The following CCND3 variants were observed in gnomAD, a reference collection of about 807,000 sequenced individuals.
The protein encoded by CCND3 is cyclin D3.
A neutral mutation model predicts 28.7 loss-of-function variants in CCND3; 9 were observed. The observed-to-expected ratio is 0.31, with a 90% CI of 0.19 to 0.55. The LOEUF (loss-of-function observed/expected upper bound fraction) is 0.55. Ranked by LOEUF, CCND3 falls within the 20% of genes least tolerant of loss-of-function variation. CCND3 has a pLI of 0.93. For synonymous variants in CCND3, 164 were observed against 163.9 expected (o/e 1.00, Z 0.00); for missense variants, 315 against 385.8 (o/e 0.82, Z 1.54).
Position 42,022,866 on chromosome 6 carries a change from G to A in CCND3, c.-46+25635C>T, listed in dbSNP as rs1763752345. 2.6e-5 allele frequency among the ~76,000 whole-genome samples: 4 copies of A among 152,190 alleles called. No individual in the cohort carries two copies. The South Asian group carries it at 8.3e-4, about 32-fold the overall frequency. On this transcript the variant is annotated intron_variant, in intron 1 of 4. Transcript: ENST00000372988. ...GAGAGATGGGAGAGTCAACAAGTGG[G>A]ATGGCGCTGGCCTAAGAGCTGGCTC... is the stretch of plus-strand genomic sequence containing the variant.
chr6:42,028,347 GT>G (rs1358425218), intron 1 of CCND3, among the ~76,000 whole-genome samples: 8 of 152,292 alleles, frequency 5.3e-5, no homozygotes, highest in African/African-American at 1.9e-4. Context: ...AGAGGAGTGG[GT>G]TCGGCGATGG....
intron 1 of CCND3, among the ~76,000 whole-genome samples, chr6:41,958,272 C>T (rs866774288): frequency 6.6e-6 from 1 of 152,196 alleles, no homozygotes; most frequent in South Asian, 2.1e-4. Context: ...GCTGGGATTA[C>T]AGGTGTGAGC....
At chr6:42,035,322 C>T (rs1764173202) in intron 1 of CCND3, among the ~76,000 whole-genome samples, 1 of 152,176 alleles carries the variant, frequency 6.6e-6, no homozygotes, top group Non-Finnish European at 1.5e-5. Context: ...TCCCAGCTCA[C>T]CCCCTTGTTT....
At chr6:41,940,657 G>A (rs1775972876) in intron 1 of CCND3, 72 bp from the exon 2 acceptor site, 1 of 1,088,762 alleles carries the variant, frequency 9.2e-7, no homozygotes. Context: ...TGGGAGCGCT[G>A]AAGTGAGGTG....
Position 41,951,577 on chromosome 6 carries a change from A to AC in CCND3, c.-45-10993_-45-10992insG, listed in dbSNP as rs1247884939. On this transcript the variant is annotated intron_variant, in intron 1 of 4. Coordinates refer to the CCND3 transcript ENST00000372988. Reference sequence around the variant, plus strand: ...ACACACACACACACACACACACACAAAAAAAAAGATTAAGTGGGAGTAAGA... The same window carrying AC: ...ACACACACACACACACACACACACAACAAAAAAAGATTAAGTGGGAGTAAGA... 4.8e-3 allele frequency among the ~76,000 whole-genome samples: 701 copies of AC among 145,898 alleles called. 9 individuals carry two copies. Among genetic ancestry groups the AC allele is most frequent in the Non-Finnish European group, 8.3e-3 (552 of 66,382 alleles).
chr6:42,019,229 T>C (rs1278689997), intron 1 of CCND3, among the ~76,000 whole-genome samples: 2 of 152,136 alleles, frequency 1.3e-5, no homozygotes, highest in Non-Finnish European at 1.5e-5. Context: ...GGCTCCCACC[T>C]GTAATCCCAG....
At chr6:42,007,736 G>C (rs1332792314) in intron 1 of CCND3, among the ~76,000 whole-genome samples, 1 of 152,238 alleles carries the variant, frequency 6.6e-6, no homozygotes, top group Admixed American at 6.5e-5. Context: ...GCGAGAGCCA[G>C]AAAGGGCTGG....
At position 42,020,362 on chromosome 6, in the gene CCND3, C is replaced by T. The variant is rs537424432; in HGVS notation, c.-46+28139G>A. ...TGCACGTTTCCCTAGCCCTTCTTGG[C>T]GCCTGCAACTGACCCAACATGCAGA... On this transcript the variant is annotated intron_variant, in intron 1 of 4. Transcript: ENST00000372988. 3.8e-4 allele frequency among the ~76,000 whole-genome samples: 58 copies of T among 152,308 alleles called. 1 individual carries two copies. Among genetic ancestry groups the T allele is most frequent in the African/African-American group, 1.3e-3 (54 of 41,566 alleles).
intron 1 of CCND3, among the ~76,000 whole-genome samples, chr6:42,003,918 G>A (rs1332013110): frequency 1.8e-4 from 23 of 127,898 alleles, no homozygotes; most frequent in Non-Finnish European, 6.3e-5. Context: ...CAGCCTGGGC[G>A]ACAGAGTGAG....
intron 1 of CCND3, among the ~76,000 whole-genome samples, chr6:41,976,321 C>T (rs998504480): frequency 1.3e-5 from 2 of 151,790 alleles, no homozygotes; most frequent in African/African-American, 4.8e-5. Flanking sequence ...CACTGCACTC[C>T]AGCCTGGGCG....
chr6:42,001,234 C>CAAA (rs56288797), intron 1 of CCND3, among the ~76,000 whole-genome samples: 42,340 of 74,008 alleles, frequency 0.57, 15,297 homozygotes, highest in Middle Eastern at 0.79. Context: ...GACCCCATCT[C>CAAA]AAAAAAAAAA....
intron 1 of CCND3, among the ~76,000 whole-genome samples, chr6:41,946,812 C>T (rs986532652): frequency 3.9e-5 from 6 of 152,000 alleles, no homozygotes; most frequent in Admixed American, 1.3e-4. Context: ...CGGCTGGGCG[C>T]GGTGGCTCAC....
intron 1 of CCND3, among the ~76,000 whole-genome samples, chr6:41,984,705 T>C (rs143180887): frequency 1.7e-3 from 260 of 152,326 alleles, no homozygotes; most frequent in Middle Eastern, 0.014. Context: ...ATAGTAGCTA[T>C]ACTAATTTAC....
In CCND3 at chr6:42,048,377, G is replaced by A; in HGVS notation, c.-46+124C>T. On this transcript the variant is annotated intron_variant, in intron 1 of 4. Transcript: ENST00000372988. This position sits in a 1 kb window ranked among gnomAD's most constrained non-coding sequence, Gnocchi z 4.7. ...TGGGAAAGTGAGCCAAGCTTTCGGT[G>A]CCAACTAGGAAGTGATGAGGATGCG... 2.9e-6 allele frequency: 1 copy of A among 343,076 alleles called. No individual in the cohort carries two copies. Among genetic ancestry groups the A allele is most frequent in the South Asian group, 2.2e-5 (1 of 46,206 alleles). The allele number at this position is 343,076 out of a possible 1,614,324, so 21.3% of individuals were successfully genotyped here.
In CCND3 at chr6:41,935,479, CTA is replaced by C. The variant is rs1227162335; in HGVS notation, c.*459_*460del. 1 of 276,056 alleles carries C rather than the reference CTA, an allele frequency of 3.6e-6. No homozygotes were observed. Among genetic ancestry groups the C allele is most frequent in the Non-Finnish European group, 6.9e-6 (1 of 145,100 alleles). 17.1% of individuals were successfully genotyped at this position (276,056 alleles called of 1,614,324 possible). A position where few individuals can be genotyped will look rare whatever the true frequency, so the allele number is the denominator to read the frequency against. On this transcript the variant is annotated 3_prime_UTR_variant, in exon 5 of 5. Transcript: ENST00000372991. ...AAAGTACTGAGAGGAGCCATCTAGA[CTA>C]TTCCCCCTCATATGTGTCTATCATG...
At chr6:41,956,984 T>G (rs1776454613) in intron 1 of CCND3, among the ~76,000 whole-genome samples, 1 of 152,110 alleles carries the variant, frequency 6.6e-6, no homozygotes. Flanking sequence ...TGAGCCAAGA[T>G]CGCACCACTG....
intron 1 of CCND3, among the ~76,000 whole-genome samples, chr6:41,960,525 G>A (rs927983452): frequency 3.3e-5 from 5 of 152,190 alleles, no homozygotes; most frequent in African/African-American, 9.7e-5. Context: ...ACAAACCTGG[G>A]TGTGAATCCC....
In CCND3 at chr6:41,936,441, G is replaced by C. The variant is rs1381463081; in HGVS notation, c.711+118C>G. The C allele has an allele frequency of 4.0e-6, 5 of 1,240,288 alleles. No individual in the cohort carries two copies. The highest frequency in any genetic ancestry group is 5.7e-6 in the Non-Finnish European group (5 of 877,700). 76.8% of individuals were successfully genotyped at this position (1,240,288 alleles called of 1,614,324 possible). A position where few individuals can be genotyped will look rare whatever the true frequency, so the allele number is the denominator to read the frequency against. On this transcript the variant is annotated intron_variant, in intron 4 of 4. Transcript: ENST00000372991. The surrounding 1 kb of genome is among the most constrained non-coding windows in gnomAD (Gnocchi z 4.4). ...GAGATAAAAAGCCACAAAGCCCCAAGGTTGTGAAACCAGGACTTGGGACCA... is the reference window on the plus strand; with the variant it reads ...GAGATAAAAAGCCACAAAGCCCCAACGTTGTGAAACCAGGACTTGGGACCA...
At chr6:42,044,546 A>G (rs923973756) in intron 1 of CCND3, among the ~76,000 whole-genome samples, 1 of 152,212 alleles carries the variant, frequency 6.6e-6, no homozygotes, top group Non-Finnish European at 1.5e-5. Context: ...CTCTTATAGC[A>G]TGAGCTCTAA....
Sources: gnomAD v4.1 joint callset for allele counts (sites outside exome capture counted in the v4.1 genomes callset) on GRCh38, gnomAD v4.1.1 for gene constraint, Gnocchi (gnomAD v3.1) non-coding constraint, MANE v1.5 for transcripts, NCBI Gene and HGNC (gene_info 2026-07-23, HGNC 2026-07-21) for gene names.